FAM193A: variants seen among roughly 807,000 people sequenced by gnomAD.
FAM193A encodes the protein protein FAM193A.
FAM193A carries 22 observed loss-of-function variants against 126.5 expected under a neutral mutation model. The ratio of observed to expected loss-of-function variants is 0.17; its 90% confidence interval spans 0.12 to 0.25. The LOEUF is 0.25. FAM193A is among the 10% of genes least tolerant of loss of function. The pLI is 1.00. For missense variants in FAM193A, 1,675 were observed against 1,672.8 expected (o/e 1.00, Z -0.02); for synonymous variants, 761 against 646.8 (o/e 1.18, Z -2.68).
chr4:2,550,697 A>G (rs778376260), intron 1 of FAM193A, among the ~76,000 whole-genome samples: 20 of 151,356 alleles, frequency 1.3e-4, no homozygotes, highest in Non-Finnish European at 2.7e-4. Context: ...CGGCCTCCCA[A>G]AGTGCTGGGA....
intron 6 of FAM193A, among the ~76,000 whole-genome samples, chr4:2,642,450 G>C (rs868525416): frequency 6.6e-6 from 1 of 152,132 alleles, no homozygotes; most frequent in Non-Finnish European, 1.5e-5. Context: ...ATCAAGATTG[G>C]AAAGTCCTTA....
chr4:2,596,289 TGGA>T lies in FAM193A; in HGVS notation c.463_465del (p.Glu155del). 1 of 702,882 alleles carries T rather than the reference TGGA, an allele frequency of 1.4e-6. No homozygotes were observed. The highest frequency in any genetic ancestry group is 2.6e-6 in the Non-Finnish European group (1 of 384,982). The allele number at this position is 702,882 out of a possible 1,614,324, so 43.5% of individuals were successfully genotyped here. A position where few individuals can be genotyped will look rare whatever the true frequency, so the allele number is the denominator to read the frequency against. On this transcript the variant is annotated inframe_deletion, in exon 2 of 21. Transcript: ENST00000637812. ...GTGTGCCCGGACTGCCGCAGGACCG[TGGA>T]GAAGGAGGAGAGGCATGGCGGCCTT...
At chr4:2,705,634 G>A (rs189535070) in intron 19 of FAM193A, among the ~76,000 whole-genome samples, 8 of 152,050 alleles carry the variant, frequency 5.3e-5, no homozygotes, top group Admixed American at 5.2e-4. Flanking sequence ...CTGTCACCCA[G>A]GCTAGAGTGT....
rs145535874 is a variant in FAM193A, at chr4:2,629,243, C to T, written c.804-1692C>T. ...ACAAAAAAAAAAAAGAGATCTAAGT[C>T]CGACATGCTAAGAGAACAGTGACGT... is the stretch of plus-strand genomic sequence containing the variant. On this transcript the variant is annotated intron_variant, in intron 4 of 20. Coordinates refer to ENST00000637812, the MANE Select transcript of FAM193A (RefSeq NM_001366318.2). Among the ~76,000 whole-genome samples the T allele has an allele frequency of 6.6e-5, 10 of 151,216 alleles. No homozygotes were observed. The East Asian group carries it at 1.9e-3, about 29-fold the overall frequency.
At chr4:2,558,759 G>T (rs888794436) in intron 1 of FAM193A, among the ~76,000 whole-genome samples, 1 of 152,196 alleles carries the variant, frequency 6.6e-6, no homozygotes, top group African/African-American at 2.4e-5. Context: ...CCAGCACTTC[G>T]TGAGGCCGAG....
chr4:2,597,032 A>G (rs1164026160), intron 2 of FAM193A, among the ~76,000 whole-genome samples: 3 of 152,196 alleles, frequency 2.0e-5, no homozygotes, highest in African/African-American at 7.2e-5. Flanking sequence ...TTTCTCCTGC[A>G]GAACTGCCTT....
Position 2,660,034 on chromosome 4 carries a change from C to T in FAM193A, c.1725C>T (p.Asp575=), listed in dbSNP as rs1712227711. ...AGCACCCCAGGCTCATCCTCACAGA[C>T]AGTGGCTCGGCACCAACTTTGTAAG... ...IQQHPRLILT[D]SGSAPTFCSD... Residue 575 remains aspartate, a synonymous_variant, in exon 10 of 21, where the codon GAC becomes GAT. Transcript: ENST00000637812. The T allele has an allele frequency of 1.2e-6, 2 of 1,613,892 alleles. No individual in the cohort carries two copies. Among genetic ancestry groups the T allele is most frequent in the South Asian group, 1.1e-5 (1 of 91,080 alleles).
At chr4:2,717,504 G>A (rs1719672195) in intron 20 of FAM193A, among the ~76,000 whole-genome samples, 1 of 151,084 alleles carries the variant, frequency 6.6e-6, no homozygotes, top group Non-Finnish European at 1.5e-5. Flanking sequence ...GCTGAGGCAG[G>A]AGAATTGCTT....
intron 7 of FAM193A, among the ~76,000 whole-genome samples, chr4:2,656,639 T>A (rs1711721269): frequency 6.6e-6 from 1 of 152,184 alleles, no homozygotes; most frequent in Admixed American, 6.5e-5. Flanking sequence ...GTCCTCCTGT[T>A]CTCTGTTAGG....
At chr4:2,648,931 C>T (rs1198875050) in intron 7 of FAM193A, among the ~76,000 whole-genome samples, 6 of 152,202 alleles carry the variant, frequency 3.9e-5, no homozygotes, top group Admixed American at 3.9e-4. Context: ...CCAGGGAGAA[C>T]CCTGCACGGC....
intron 19 of FAM193A, among the ~76,000 whole-genome samples, chr4:2,713,626 C>T (rs1719235821): frequency 6.6e-6 from 1 of 152,122 alleles, no homozygotes; most frequent in South Asian, 2.1e-4. Context: ...TTCCTGTCTC[C>T]CTGTCTCTCC....
chr4:2,637,883 T>TC (rs1195758148), intron 5 of FAM193A, among the ~76,000 whole-genome samples: 2 of 152,256 alleles, frequency 1.3e-5, no homozygotes, highest in Non-Finnish European at 2.9e-5. Context: ...TTAAGTAAAC[T>TC]CCAAGTTGAT....
At chr4:2,661,193 A>G (rs1712399635) in intron 10 of FAM193A, among the ~76,000 whole-genome samples, 2 of 152,166 alleles carry the variant, frequency 1.3e-5, no homozygotes, top group South Asian at 4.1e-4. Flanking sequence ...CGGGGAGCCT[A>G]GGTTCTCGGG....
In FAM193A at chr4:2,561,289, C is replaced by T. The variant is rs1454065375; in HGVS notation, c.255+24119C>T. ...TCTGCCTTCCGGGTTCCAGGCAGTT[C>T]TCCCATGTCAGCCTCCTGAGTAGCT... On this transcript the variant is annotated intron_variant, in intron 1 of 20. Transcript: ENST00000637812. Among the ~76,000 whole-genome samples, 3 of 146,842 alleles carry T rather than the reference C, an allele frequency of 2.0e-5. No homozygotes were observed. In the South Asian group the frequency reaches 6.6e-4, roughly 32 times the overall value.
chr4:2,620,514 C>T (rs183694168), intron 2 of FAM193A, among the ~76,000 whole-genome samples: 6 of 152,012 alleles, frequency 3.9e-5, no homozygotes, highest in South Asian at 2.1e-4. Flanking sequence ...AGATGGGCAC[C>T]GCGCTCATAA....
At chr4:2,692,710 T>G (rs1490812392) in intron 15 of FAM193A, among the ~76,000 whole-genome samples, 1 of 152,124 alleles carries the variant, frequency 6.6e-6, no homozygotes, top group East Asian at 1.9e-4. Context: ...TGGAAGAGGC[T>G]GGGTTAGTGG....
intron 10 of FAM193A, among the ~76,000 whole-genome samples, chr4:2,662,110 G>T (rs546751596): frequency 1.3e-5 from 2 of 152,144 alleles, no homozygotes; most frequent in Non-Finnish European, 2.9e-5. Context: ...GTGAACCTGG[G>T]GGGTGGAGCT....
At chr4:2,650,066 T>C (rs536906518) in intron 7 of FAM193A, among the ~76,000 whole-genome samples, 2 of 152,320 alleles carry the variant, frequency 1.3e-5, no homozygotes, top group South Asian at 2.1e-4. Context: ...GATGGGACCA[T>C]CTAGTTGAAG....
chr4:2,607,557 T>C (rs1280049614), intron 2 of FAM193A, among the ~76,000 whole-genome samples: 1 of 152,258 alleles, frequency 6.6e-6, no homozygotes, highest in Non-Finnish European at 1.5e-5. Flanking sequence ...TGTCTGCTGA[T>C]ACATATTTAA....
Sources: gnomAD v4.1 joint callset for allele counts (sites outside exome capture counted in the v4.1 genomes callset) on GRCh38, gnomAD v4.1.1 for gene constraint, MANE v1.5 for transcripts, NCBI Gene and HGNC (gene_info 2026-07-23, HGNC 2026-07-21) for gene names.